The following CGNL1 variants were observed in gnomAD, a reference collection of about 807,000 sequenced individuals.
CGNL1 encodes cingulin like 1, also known as cingulin-like protein 1.
CGNL1 carries 132 observed loss-of-function variants against 141.2 expected under a neutral mutation model. The observed-to-expected ratio is 0.93, with a 90% CI of 0.81 to 1.08. The LOEUF (loss-of-function observed/expected upper bound fraction) is 1.08. Ranked by LOEUF, CGNL1 falls within the 50% of genes least tolerant of loss-of-function variation. CGNL1 has a pLI of 0.00. For missense variants in CGNL1, 1,870 were observed against 1,588.6 expected, an observed-to-expected ratio of 1.18 and a Z score of -3.01; for synonymous variants, 690 against 622.1, an observed-to-expected ratio of 1.11 and a Z score of -1.63.
At chr15:57,483,061 A>G (rs1295551945) in intron 8 of CGNL1, among the ~76,000 whole-genome samples, 3 of 152,234 alleles carry the variant, frequency 2.0e-5, no homozygotes, top group Admixed American at 6.5e-5. Context: ...TGCTGGGATT[A>G]TAGGAGTGAG....
chr15:57,473,871 G>A (rs28379496), intron 8 of CGNL1, among the ~76,000 whole-genome samples: 1 of 138,390 alleles, frequency 7.2e-6, no homozygotes, highest in South Asian at 2.5e-4. Flanking sequence ...GCCTGATTGA[G>A]TCACTTCTTC....
intron 1 of CGNL1, among the ~76,000 whole-genome samples, chr15:57,420,724 A>G (rs961893079): frequency 3.9e-5 from 6 of 152,346 alleles, no homozygotes; most frequent in African/African-American, 1.4e-4. Context: ...GTTGTTTCAT[A>G]TAATTTTTAA....
chr15:57,535,305 AGTTT>A (rs754210065), intron 14 of CGNL1, among the ~76,000 whole-genome samples: 12 of 152,246 alleles, frequency 7.9e-5, no homozygotes, highest in Non-Finnish European at 1.3e-4. Flanking sequence ...GAGTTGCTAC[AGTTT>A]GTTTGAGGAG....
intron 14 of CGNL1, among the ~76,000 whole-genome samples, chr15:57,533,126 G>T (rs1346451475): frequency 3.3e-5 from 5 of 152,144 alleles, no homozygotes; most frequent in African/African-American, 9.7e-5. Context: ...GCAAACAAGT[G>T]GGATACTCAT....
At chr15:57,502,944 T>C (rs2064046119) in intron 8 of CGNL1, among the ~76,000 whole-genome samples, 1 of 152,156 alleles carries the variant, frequency 6.6e-6, no homozygotes, top group South Asian at 2.1e-4. Flanking sequence ...CAGCCTCCAG[T>C]GTTCCTTCTA....
At chr15:57,518,323 A>T in intron 9 of CGNL1, 70 bp from the exon 10 acceptor site, 1 of 1,151,332 alleles carries the variant, frequency 8.7e-7, no homozygotes, top group Non-Finnish European at 1.3e-6. Context: ...GTGTTCATTT[A>T]ATTCCATTGA....
rs1438686534 is a variant in CGNL1 at position 57,523,748 on chromosome 15, C to T, written c.2868+107C>T. ...CTGGGAAACCTGCAGTAGGTCTAAGCACAAAAGTGTCAGGGATTTGCAGAT... is the reference window on the plus strand; with the variant it reads ...CTGGGAAACCTGCAGTAGGTCTAAGTACAAAAGTGTCAGGGATTTGCAGAT... On this transcript the variant is annotated intron_variant, in intron 11 of 18. Transcript: ENST00000281282. The T allele has an allele frequency of 3.4e-6, 4 of 1,189,694 alleles. No homozygotes were observed. In the African/African-American group the frequency reaches 6.1e-5, roughly 18 times the overall value. The allele number at this position is 1,189,694 out of a possible 1,614,324, so 73.7% of individuals were successfully genotyped here. A position where few individuals can be genotyped will look rare whatever the true frequency, so the allele number is the denominator to read the frequency against.
At chr15:57,529,903 C>T (rs1412221526) in intron 13 of CGNL1, among the ~76,000 whole-genome samples, 1 of 152,196 alleles carries the variant, frequency 6.6e-6, no homozygotes. Flanking sequence ...CTTTTAGAGA[C>T]TAGAATAACC....
chr15:57,447,964 T>C (rs1490436575), intron 4 of CGNL1, among the ~76,000 whole-genome samples: 1 of 152,166 alleles, frequency 6.6e-6, no homozygotes, highest in East Asian at 1.9e-4. Flanking sequence ...TAAGATGTCT[T>C]TAAAAGAATG....
At chr15:57,517,207 G>A (rs556095259) in intron 9 of CGNL1, among the ~76,000 whole-genome samples, 2 of 152,286 alleles carry the variant, frequency 1.3e-5, no homozygotes, top group African/African-American at 4.8e-5. Context: ...CGGGAACACA[G>A]GTCTAGGCAC....
intron 8 of CGNL1, among the ~76,000 whole-genome samples, chr15:57,497,361 G>A (rs116399919): frequency 1.3e-5 from 2 of 151,730 alleles, no homozygotes; most frequent in Non-Finnish European, 2.9e-5. Context: ...GGGAACTGGG[G>A]GCAGGTAGGG....
chr15:57,546,345 T>G, intron 18 of CGNL1, 106 bp downstream of exon 18: 1 of 1,334,522 alleles, frequency 7.5e-7, no homozygotes, highest in South Asian at 1.6e-5. Context: ...CAGCTCCTCA[T>G]TGTTGCTTTT....
intron 1 of CGNL1, among the ~76,000 whole-genome samples, chr15:57,420,541 C>T (rs910146991): frequency 2.6e-5 from 4 of 152,154 alleles, no homozygotes; most frequent in Admixed American, 6.6e-5. Flanking sequence ...TGTTCAATTC[C>T]ACTATACACA....
At chr15:57,426,436 C>T (rs1422333778) in intron 1 of CGNL1, among the ~76,000 whole-genome samples, 1 of 144,770 alleles carries the variant, frequency 6.9e-6, no homozygotes, top group Admixed American at 7.2e-5. Context: ...TGAGCCACCA[C>T]ACCAGGCCAC....
intron 8 of CGNL1, among the ~76,000 whole-genome samples, chr15:57,467,447 T>C (rs1245431834): frequency 1.3e-5 from 2 of 152,120 alleles, no homozygotes; most frequent in East Asian, 3.9e-4. Flanking sequence ...GTGAGATGTC[T>C]GGGCTGGGCT....
chr15:57,440,947 C>T (rs1334921662), intron 3 of CGNL1, among the ~76,000 whole-genome samples: 1 of 151,820 alleles, frequency 6.6e-6, no homozygotes, highest in African/African-American at 2.4e-5. Flanking sequence ...CCATGCTTAT[C>T]TTGGTGGTTG....
At chr15:57,488,888 A>G (rs915622637) in intron 8 of CGNL1, among the ~76,000 whole-genome samples, 3 of 152,006 alleles carry the variant, frequency 2.0e-5, no homozygotes, top group Non-Finnish European at 2.9e-5. Context: ...TGGTTTTTCT[A>G]CTAGAGCTGC....
At chr15:57,378,203 T>G (rs1434502077) in intron 1 of CGNL1, among the ~76,000 whole-genome samples, 1 of 152,052 alleles carries the variant, frequency 6.6e-6, no homozygotes, top group African/African-American at 2.4e-5. Context: ...GAAAATGTGT[T>G]TTCACTGCCC....
intron 1 of CGNL1, among the ~76,000 whole-genome samples, chr15:57,387,013 A>G (rs2152224004): frequency 6.6e-6 from 1 of 152,158 alleles, no homozygotes; most frequent in South Asian, 2.1e-4. Flanking sequence ...TGCAACCATC[A>G]CCACTATCTA....
Sources: allele counts gnomAD v4.1 joint callset (sites outside exome capture counted in the v4.1 genomes callset), GRCh38; gene constraint gnomAD v4.1.1; transcripts MANE v1.5; gene names NCBI Gene and HGNC (gene_info 2026-07-23, HGNC 2026-07-21).